Variants in MARCKS observed in about 807,000 individuals in gnomAD.
MARCKS encodes myristoylated alanine rich protein kinase C substrate, also known as myristoylated alanine-rich C-kinase substrate.
Under a neutral mutation model 6.3 loss-of-function variants are expected in MARCKS, and 4 were observed. That is an observed-to-expected ratio of 0.63 (90% CI 0.31 to 1.45). The LOEUF is 1.45. Ranked by LOEUF, MARCKS falls within the 40% of genes most tolerant of loss-of-function variation. The pLI, the probability that MARCKS is intolerant of heterozygous loss-of-function variation, is 0.07. For missense variants in MARCKS, 636 were observed against 485.7 expected, an observed-to-expected ratio of 1.31 and a Z score of -2.91; for synonymous variants, 289 against 236.5, an observed-to-expected ratio of 1.22 and a Z score of -2.04.
Position 113,860,181 on chromosome 6 carries a change from G to T in MARCKS, c.601G>T (p.Ala201Ser). 1 of 1,227,542 alleles carries T rather than the reference G, an allele frequency of 8.1e-7. No individual in the cohort carries two copies. The highest frequency in any genetic ancestry group is 1.0e-6 in the Non-Finnish European group (1 of 975,500). The allele number at this position is 1,227,542 out of a possible 1,614,324, so 76.0% of individuals were successfully genotyped here. Residue 201 changes from alanine (A) to serine (S), a missense_variant, in exon 2 of 2, where the codon GCT (alanine) becomes TCT (serine). Transcript: ENST00000612661. ...CAAGGACGAGGCCGCCGGGGGCGCA[G>T]CTGCGGCCGCCGCCGAGGCGGGCGC... ...GGKDEAAGGA[A>S]AAAAEAGAAS...
rs575947449 is a variant in MARCKS at position 113,863,034 on chromosome 6, C to G, written c.*2455C>G. ...AAAAGTGGATTTTTAAAAATAACTC[C>G]CAAAGTGAATAGTCAAAAATCCTGT... On this transcript the variant is annotated 3_prime_UTR_variant, in exon 2 of 2. Transcript: ENST00000612661. 1.9e-4 allele frequency: 29 copies of G among 152,076 alleles called. No individual in the cohort carries two copies. The highest frequency in any genetic ancestry group is 4.0e-4 in the Non-Finnish European group (27 of 67,992). 9.4% of individuals were successfully genotyped at this position (152,076 alleles called of 1,614,324 possible).
In MARCKS at chr6:113,857,484, G is replaced by C; in HGVS notation, c.-262G>C. 2.4e-6 allele frequency: 1 copy of C among 416,770 alleles called. No homozygotes were observed. Among genetic ancestry groups the C allele is most frequent in the South Asian group, 3.0e-5 (1 of 33,418 alleles). 25.8% of individuals were successfully genotyped at this position (416,770 alleles called of 1,614,324 possible). The stretch of plus-strand genomic sequence containing the variant: ...GAACTACACTTGGGCTCCTTTTTTT[G>C]TGCTCGACTTTTCCACCCTTTTTCC... On this transcript the variant is annotated 5_prime_UTR_variant, in exon 1 of 2. Transcript: ENST00000612661.
rs1430150936 is a variant in MARCKS at position 113,860,005 on chromosome 6, C to A, written c.425C>A (p.Ala142Asp). ...TCTTCGCCCAAGGCCGAGGACGGGG[C>A]CACGCCCTCGCCCAGCAACGAGACC... ...STSSPKAEDG[A>D]TPSPSNETPK... Residue 142 changes from alanine (A) to aspartate (D), a missense_variant, in exon 2 of 2, where the codon GCC becomes GAC. Ala to Asp is a moderately radical substitution (Grantham distance 126). Coordinates refer to ENST00000612661, the MANE Select transcript of MARCKS (RefSeq NM_002356.7). 6.4e-7 allele frequency: 1 copy of A among 1,565,576 alleles called. No individual in the cohort carries two copies. Among genetic ancestry groups the A allele is most frequent in the Non-Finnish European group, 8.6e-7 (1 of 1,161,454 alleles).
In MARCKS at chr6:113,859,746, G is replaced by A. The variant is rs1388192980; in HGVS notation, c.166G>A (p.Glu56Lys). 8.0e-6 allele frequency: 12 copies of A among 1,497,088 alleles called. No individual in the cohort carries two copies. Among genetic ancestry groups the A allele is most frequent in the Admixed American group, 2.3e-5 (1 of 43,978 alleles). The allele number at this position is 1,497,088 out of a possible 1,614,324, so 92.7% of individuals were successfully genotyped here. The change falls in exon 2 of 2, where the codon GAG becomes AAG. Residue 56 changes from glutamate (E) to lysine (K), a missense_variant. By Grantham distance (56) the Glu-to-Lys change is moderately conservative (BLOSUM62 1). Transcript: ENST00000612661. ...SPAAAESGAK[E>K]ELQANGSAPA... ...CGCGGCCGCCGAGTCGGGCGCCAAG[G>A]AGGAGCTGCAGGCCAACGGCAGCGC...
chr6:113,857,877 A>C (rs759844108), intron 1 of MARCKS, 30 bp downstream of exon 1: 2 of 1,540,766 alleles, frequency 1.3e-6, no homozygotes, highest in South Asian at 1.2e-5. Flanking sequence ...GTGGTCATTT[A>C]TTTCGTGTCT....
chr6:113,860,586 A>G lies in MARCKS; in HGVS notation c.*7A>G. ...AGCGGAGGCGGCAGAGTAAAAGAGC[A>G]AGCTTTTGTGAGATAATCGAAGAAC... On this transcript the variant is annotated 3_prime_UTR_variant, in exon 2 of 2. Coordinates refer to ENST00000612661, the MANE Select transcript of MARCKS (RefSeq NM_002356.7). 6.5e-7 allele frequency: 1 copy of G among 1,544,116 alleles called. No homozygotes were observed.
At chr6:113,858,635 C>T (rs1031284945) in intron 1 of MARCKS, among the ~76,000 whole-genome samples, 6 of 152,208 alleles carry the variant, frequency 3.9e-5, no homozygotes, top group African/African-American at 1.2e-4. Context: ...CGGCGCTGCC[C>T]GGACCCAGGC....
At position 113,860,560 on chromosome 6, in the gene MARCKS, C is replaced by T; in HGVS notation, c.980C>T (p.Pro327Leu). ...CCCGAGTGCAGTCCAGAAGCCCCCC[C>T]AGCGGAGGCGGCAGAGTAAAAGAGC... Reference protein sequence around the residue: ...AQPECSPEAPPAEAAE With the variant: ...AQPECSPEAPLAEAAE The change falls in exon 2 of 2, where the codon CCA becomes CTA. Residue 327 changes from proline to leucine, a missense_variant. Transcript: ENST00000612661. 2 of 1,558,252 alleles carry T rather than the reference C, an allele frequency of 1.3e-6. No individual in the cohort carries two copies. Among genetic ancestry groups the T allele is most frequent in the South Asian group, 2.3e-5 (2 of 86,382 alleles).
chr6:113,861,979 C>T lies in MARCKS; in HGVS notation c.*1400C>T, dbSNP rs978038052. On this transcript the variant is annotated 3_prime_UTR_variant, in exon 2 of 2. Transcript: ENST00000612661. ...TCAGATTACGTAGAGGAAGATCTTA[C>T]AACATTTCCATGTCAAATCTGTTAC... 4 of 9,040 alleles carry T rather than the reference C, an allele frequency of 4.4e-4. No homozygotes were observed. In the Non-Finnish European group the frequency reaches 8.1e-3, roughly 18 times the overall value. 0.6% of individuals were successfully genotyped at this position (9,040 alleles called of 1,614,324 possible).
At chr6:113,858,476 T>C (rs1774822384) in intron 1 of MARCKS, among the ~76,000 whole-genome samples, 1 of 152,226 alleles carries the variant, frequency 6.6e-6, no homozygotes, top group Non-Finnish European at 1.5e-5. Context: ...GAATTACACA[T>C]CCATTTGATT....
At chr6:113,858,257 T>G (rs1774818018) in intron 1 of MARCKS, among the ~76,000 whole-genome samples, 2 of 142,464 alleles carry the variant, frequency 1.4e-5, no homozygotes, top group African/African-American at 5.7e-5. Flanking sequence ...GTGGTGTGAT[T>G]GTGTGTGGCG....
At position 113,862,739 on chromosome 6, in the gene MARCKS, G is replaced by A. The variant is rs1311121331; in HGVS notation, c.*2160G>A. ...AACTCATTAGAAAAATAACAAATTA[G>A]GTTTTGACACGCATTCTTAATTGGA... On this transcript the variant is annotated 3_prime_UTR_variant, in exon 2 of 2. Coordinates refer to ENST00000612661, the MANE Select transcript of MARCKS (RefSeq NM_002356.7). The A allele has an allele frequency of 1.3e-5, 2 of 151,976 alleles. No individual in the cohort carries two copies. The allele number at this position is 151,976 out of a possible 1,614,324, so 9.4% of individuals were successfully genotyped here.
At position 113,859,709 on chromosome 6, in the gene MARCKS, C is replaced by G; in HGVS notation, c.129C>G (p.Gly43=). The part of the protein sequence containing the change: ...GQENGHVKVN[G]DASPAAAESG... ...AGAATGGCCACGTGAAGGTAAACGG[C>G]GACGCTTCGCCCGCGGCCGCCGAGT... The change falls in exon 2 of 2, where the codon GGC becomes GGG. Residue 43 remains glycine, a synonymous_variant. Transcript: ENST00000612661. 1 of 1,504,468 alleles carries G rather than the reference C, an allele frequency of 6.6e-7. No individual in the cohort carries two copies. Among genetic ancestry groups the G allele is most frequent in the South Asian group, 1.2e-5 (1 of 80,690 alleles). The allele number at this position is 1,504,468 out of a possible 1,614,324, so 93.2% of individuals were successfully genotyped here. A position where few individuals can be genotyped will look rare whatever the true frequency, so the allele number is the denominator to read the frequency against.
chr6:113,860,375 G>A lies in MARCKS; in HGVS notation c.795G>A (p.Glu265=). 2 of 1,281,998 alleles carry A rather than the reference G, an allele frequency of 1.6e-6. No individual in the cohort carries two copies. The highest frequency in any genetic ancestry group is 2.0e-6 in the Non-Finnish European group (2 of 987,978). 79.4% of individuals were successfully genotyped at this position (1,281,998 alleles called of 1,614,324 possible). ...TKAAEEPSKV[E]EKKAEEAGAS... ...CCGCCGAGGAGCCCAGCAAGGTGGA[G>A]GAGAAAAAGGCCGAGGAGGCCGGGG... Residue 265 remains glutamate (E), a synonymous_variant, in exon 2 of 2, where the codon GAG becomes GAA. Coordinates refer to ENST00000612661, the MANE Select transcript of MARCKS (RefSeq NM_002356.7).
In MARCKS at chr6:113,857,732, T is replaced by C. The variant is rs371975808; in HGVS notation, c.-14T>C. 50 of 1,590,698 alleles carry C rather than the reference T, an allele frequency of 3.1e-5. No homozygotes were observed. The highest frequency in any genetic ancestry group is 3.5e-5 in the Non-Finnish European group (41 of 1,167,136). On this transcript the variant is annotated 5_prime_UTR_variant, in exon 1 of 2. Coordinates refer to ENST00000612661, the MANE Select transcript of MARCKS (RefSeq NM_002356.7). The stretch of plus-strand genomic sequence containing the variant: ...CTCTTGGATCTGTTGAGTTTCTTTG[T>C]TGAAGAAGCCAGCATGGGTGCCCAG...
rs1197423294 is a variant in MARCKS, at chr6:113,862,259, A to G, written c.*1680A>G. The G allele has an allele frequency of 6.6e-5, 10 of 152,106 alleles. No individual in the cohort carries two copies. The highest frequency in any genetic ancestry group is 2.1e-4 in the South Asian group (1 of 4,828). 9.4% of individuals were successfully genotyped at this position (152,106 alleles called of 1,614,324 possible). A position where few individuals can be genotyped will look rare whatever the true frequency, so the allele number is the denominator to read the frequency against. On this transcript the variant is annotated 3_prime_UTR_variant, in exon 2 of 2. Transcript: ENST00000612661. ...GTGACCAAATGTGTTTCAAAAATTG[A>G]TGGTGTATTACCTGCTATTGTAATT...
In MARCKS at chr6:113,860,025, G is replaced by A. The variant is rs1389022452; in HGVS notation, c.445G>A (p.Glu149Lys). 3 of 1,568,906 alleles carry A rather than the reference G, an allele frequency of 1.9e-6. No homozygotes were observed. The highest frequency in any genetic ancestry group is 1.4e-5 in the African/African-American group (1 of 71,924). The change falls in exon 2 of 2, where the codon GAG (glutamate) becomes AAG (lysine). Residue 149 changes from glutamate (E) to lysine (K), a missense_variant. Physicochemically the swap from Glu to Lys is moderately conservative, Grantham distance 56. Coordinates refer to ENST00000612661, the MANE Select transcript of MARCKS (RefSeq NM_002356.7). ...EDGATPSPSN[E>K]TPKKKKKRFS... The stretch of plus-strand genomic sequence containing the variant: ...CGGGGCCACGCCCTCGCCCAGCAAC[G>A]AGACCCCGAAAAAAAAAAAGAAGCG...
At position 113,860,176 on chromosome 6, in the gene MARCKS, G is replaced by A. The variant is rs781382338; in HGVS notation, c.596G>A (p.Gly199Asp). 51 of 1,270,268 alleles carry A rather than the reference G, an allele frequency of 4.0e-5. No individual in the cohort carries two copies. The highest frequency in any genetic ancestry group is 5.0e-5 in the Non-Finnish European group (50 of 998,560). 78.7% of individuals were successfully genotyped at this position (1,270,268 alleles called of 1,614,324 possible). Residue 199 changes from glycine (G) to aspartate (D), a missense_variant, in exon 2 of 2, where the codon GGC becomes GAC. By Grantham distance (94) the Gly-to-Asp change is moderately conservative (BLOSUM62 -1). Coordinates refer to ENST00000612661, the MANE Select transcript of MARCKS (RefSeq NM_002356.7). ...AEGGKDEAAGGAAAAAAEAGA... is the reference protein window; with the variant it reads ...AEGGKDEAAGDAAAAAAEAGA... ...GGCGGCAAGGACGAGGCCGCCGGGGGCGCAGCTGCGGCCGCCGCCGAGGCG... is the reference window on the plus strand; with the variant it reads ...GGCGGCAAGGACGAGGCCGCCGGGGACGCAGCTGCGGCCGCCGCCGAGGCG...
Position 113,860,615 on chromosome 6 carries a change from T to A in MARCKS, c.*36T>A. ...TTTTGTGAGATAATCGAAGAACTTT[T>A]CTCCCCCGTTTGTTTGTTGGAGTGG... is the stretch of plus-strand genomic sequence containing the variant. On this transcript the variant is annotated 3_prime_UTR_variant, in exon 2 of 2. Coordinates refer to ENST00000612661, the MANE Select transcript of MARCKS (RefSeq NM_002356.7). 6.8e-7 allele frequency: 1 copy of A among 1,470,012 alleles called. No homozygotes were observed. The highest frequency in any genetic ancestry group is 1.3e-5 in the South Asian group (1 of 74,084). 91.1% of individuals were successfully genotyped at this position (1,470,012 alleles called of 1,614,324 possible).
Sources: gnomAD v4.1 joint callset for allele counts (sites outside exome capture counted in the v4.1 genomes callset) on GRCh38, gnomAD v4.1.1 for gene constraint, MANE v1.5 for transcripts, NCBI Gene and HGNC (gene_info 2026-07-23, HGNC 2026-07-21) for gene names.